The following SCN2A variants were observed in gnomAD, a reference collection of about 807,000 sequenced individuals.
SCN2A encodes the protein sodium channel protein type 2 subunit alpha.
In SCN2A, 20 loss-of-function variants were observed where a neutral mutation model predicts 188.7. That is an observed-to-expected ratio of 0.11 (90% CI 0.07 to 0.15). The LOEUF is 0.15. Ranked by LOEUF, SCN2A falls within the 10% of genes least tolerant of loss-of-function variation. The probability of loss-of-function intolerance (pLI) is 1.00; values close to 1 mark genes in which losing one functional copy is unlikely to be tolerated. For synonymous variants in SCN2A, 804 were observed against 833.1 expected (o/e 0.97, Z 0.60); for missense variants, 1,278 against 2,445.0 (o/e 0.52, Z 10.07).
intron 14 of SCN2A, among the ~76,000 whole-genome samples, chr2:165,340,759 A>T (rs981286028): frequency 6.6e-5 from 10 of 152,342 alleles, no homozygotes; most frequent in African/African-American, 2.4e-4. Flanking sequence ...GCATCCAGGG[A>T]GGTGTGGATC....
intron 16 of SCN2A, among the ~76,000 whole-genome samples, chr2:165,351,071 C>T (rs903081636): frequency 6.6e-6 from 1 of 152,118 alleles, no homozygotes; most frequent in African/African-American, 2.4e-5. Flanking sequence ...AAAACGATTA[C>T]ATTTATTTTA....
rs191654698 is a variant in SCN2A at position 165,257,600 on chromosome 2, G to A, written c.-52+17960G>A. ...GTCACCCAGGCTGGAGTGCAGCGGC[G>A]CGATCTTGGCTCACTGCAAGCTCCG... On this transcript the variant is annotated intron_variant, in intron 1 of 26. Coordinates refer to ENST00000375437, the MANE Select transcript of SCN2A (RefSeq NM_001040142.2). 9.4e-3 allele frequency among the ~76,000 whole-genome samples: 1,422 copies of A among 152,002 alleles called. 19 individuals carry two copies. The highest frequency in any genetic ancestry group is 0.033 in the African/African-American group (1,351 of 41,454).
chr2:165,280,605 C>T (rs1048333143), intron 1 of SCN2A, among the ~76,000 whole-genome samples: 8 of 152,284 alleles, frequency 5.3e-5, no homozygotes, highest in Admixed American at 5.2e-4. Flanking sequence ...CTATTGCAGT[C>T]TTGTGAAAGT....
Position 165,326,360 on chromosome 2 carries a change from G to C in SCN2A, c.2017-492G>C, listed in dbSNP as rs139629358. On this transcript the variant is annotated intron_variant, in intron 12 of 26. Coordinates refer to ENST00000375437, the MANE Select transcript of SCN2A (RefSeq NM_001040142.2). Reference sequence around the variant, plus strand: ...AGGAATGTTGGGAAATATTACCTGTGTCTAATGAATGAAGGCATTTTGCAA... The same window carrying C: ...AGGAATGTTGGGAAATATTACCTGTCTCTAATGAATGAAGGCATTTTGCAA... Among the ~76,000 whole-genome samples, 1,245 of 152,266 alleles carry C rather than the reference G, an allele frequency of 8.2e-3. 24 individuals are homozygous for C. Among genetic ancestry groups the C allele is most frequent in the African/African-American group, 0.028 (1,152 of 41,542 alleles).
At chr2:165,256,099 G>T (rs774999887) in intron 1 of SCN2A, among the ~76,000 whole-genome samples, 10 of 139,506 alleles carry the variant, frequency 7.2e-5, no homozygotes, top group Non-Finnish European at 1.5e-4. Context: ...TCCGCCTCCC[G>T]GGTTCAAACA....
At position 165,311,066 on chromosome 2, in the gene SCN2A, G is replaced by A. The variant is rs1181381167; in HGVS notation, c.970+471G>A. ...TTATCAAGATGAAATAAGAATTTGT[G>A]TGCTCCTCAGAAGGTTAAGTAACCC... On this transcript the variant is annotated intron_variant, in intron 7 of 26. Transcript: ENST00000375437. Among the ~76,000 whole-genome samples the A allele has an allele frequency of 2.6e-5, 4 of 152,102 alleles. No individual in the cohort carries two copies. The South Asian group carries it at 6.2e-4, about 24-fold the overall frequency.
chr2:165,329,945 C>A (rs1450193094), intron 13 of SCN2A, among the ~76,000 whole-genome samples: 1 of 152,084 alleles, frequency 6.6e-6, no homozygotes, highest in South Asian at 2.1e-4. Flanking sequence ...AGACAATTGA[C>A]AAATCTATTT....
chr2:165,374,129 G>T (rs1188223596), intron 21 of SCN2A, among the ~76,000 whole-genome samples: 1 of 152,028 alleles, frequency 6.6e-6, no homozygotes, highest in East Asian at 1.9e-4. Flanking sequence ...GTAGATGTGT[G>T]TCTGTATATG....
chr2:165,297,252 CT>C, intron 3 of SCN2A, 117 bp downstream of exon 3: 1 of 678,600 alleles, frequency 1.5e-6, no homozygotes, highest in Non-Finnish European at 2.7e-6. Context: ...TTTTTCTTTC[CT>C]TTTACTCAAT....
intron 1 of SCN2A, among the ~76,000 whole-genome samples, chr2:165,288,140 T>A (rs1404586251): frequency 6.6e-6 from 1 of 152,160 alleles, no homozygotes; most frequent in Non-Finnish European, 1.5e-5. Context: ...TTTGTATTGA[T>A]TTGTGTCTGG....
At chr2:165,325,550 T>C (rs1424708682) in intron 12 of SCN2A, among the ~76,000 whole-genome samples, 2 of 152,198 alleles carry the variant, frequency 1.3e-5, no homozygotes, top group African/African-American at 4.8e-5. Flanking sequence ...TGGAATCTAT[T>C]TGAAAATTAG....
intron 17 of SCN2A, among the ~76,000 whole-genome samples, chr2:165,359,599 T>G (rs73025924): frequency 0.035 from 5,269 of 152,144 alleles, 291 homozygotes; most frequent in African/African-American, 0.12. Context: ...ATATACTAAT[T>G]TCTAATACAG....
rs1460873866 is a variant in SCN2A, at chr2:165,391,826, C to G, written c.*2002C>G. On this transcript the variant is annotated 3_prime_UTR_variant, in exon 27 of 27. Transcript: ENST00000375437. ...TATCAGATATAATATGGGATCCCAG[C>G]TTTTTTTCCTCTCCCACAAAACCAG... 2.0e-5 allele frequency: 3 copies of G among 152,412 alleles called. No individual in the cohort carries two copies. The highest frequency in any genetic ancestry group is 4.4e-5 in the Non-Finnish European group (3 of 67,952). 9.4% of individuals were successfully genotyped at this position (152,412 alleles called of 1,614,324 possible). A position where few individuals can be genotyped will look rare whatever the true frequency, so the allele number is the denominator to read the frequency against.
chr2:165,290,811 CATGGA>C (rs1379409315), intron 1 of SCN2A: 1 of 982,900 alleles, frequency 1.0e-6, no homozygotes, highest in East Asian at 1.1e-4. Context: ...GGCCAGTATA[CATGGA>C]AGTTGGTACA....
At chr2:165,291,491 T>TTTCTTTTCTTTCTTTCTTTTC (rs1389976633) in intron 1 of SCN2A, among the ~76,000 whole-genome samples, 2 of 38,860 alleles carry the variant, frequency 5.1e-5, no homozygotes, top group African/African-American at 1.8e-4. Flanking sequence ...TCTTTCTTTC[T>TTTCTTTTCTTTCTTTCTTTTC]TTTCTTTCTT....
At chr2:165,332,281 C>T (rs1056140034) in intron 14 of SCN2A, among the ~76,000 whole-genome samples, 3 of 151,750 alleles carry the variant, frequency 2.0e-5, no homozygotes, top group Non-Finnish European at 4.4e-5. Flanking sequence ...GTAAATAATA[C>T]GGTCTAAAGT....
chr2:165,380,266 G>T (rs1179563764), intron 23 of SCN2A, among the ~76,000 whole-genome samples: 1 of 151,786 alleles, frequency 6.6e-6, no homozygotes, highest in Non-Finnish European at 1.5e-5. Flanking sequence ...CATCTCTTTT[G>T]TAAGAAGAGG....
chr2:165,316,450 AT>A, intron 11 of SCN2A, among the ~76,000 whole-genome samples: 1 of 152,340 alleles, frequency 6.6e-6, no homozygotes, highest in Non-Finnish European at 1.5e-5. Context: ...AAATTTTAAA[AT>A]TTAGAATCTT....
chr2:165,250,109 A>T (rs1388483508), intron 1 of SCN2A, among the ~76,000 whole-genome samples: 1 of 152,068 alleles, frequency 6.6e-6, no homozygotes. Flanking sequence ...GACCTGGGTC[A>T]TCTGTCATAT....
Sources: allele counts gnomAD v4.1 joint callset (sites outside exome capture counted in the v4.1 genomes callset), GRCh38; gene constraint gnomAD v4.1.1; transcripts MANE v1.5; gene names NCBI Gene and HGNC (gene_info 2026-07-23, HGNC 2026-07-21).